PLEKHB2: variants seen among roughly 807,000 people sequenced by gnomAD.
PLEKHB2 encodes pleckstrin homology domain containing B2.
Under a neutral mutation model 36.5 loss-of-function variants are expected in PLEKHB2, and 31 were observed. The observed-to-expected ratio is 0.85, with a 90% confidence interval of 0.64 to 1.15. PLEKHB2 has a LOEUF of 1.15. Ranked by LOEUF, PLEKHB2 falls within the 50% of genes most tolerant of loss-of-function variation. The pLI, the probability that PLEKHB2 is intolerant of heterozygous loss-of-function variation, is 0.00. For synonymous variants in PLEKHB2, 119 were observed against 112.0 expected (o/e 1.06, Z -0.39); for missense variants, 262 against 295.3 (o/e 0.89, Z 0.83).
chr2:131,121,495 A>G (rs113253709), intron 2 of PLEKHB2, among the ~76,000 whole-genome samples: 3,396 of 152,062 alleles, frequency 0.022, 131 homozygotes, highest in African/African-American at 0.077. Flanking sequence ...TGATCTGCCC[A>G]CCTGGGTTCC....
chr2:131,126,645 T>G (rs1559077136), intron 3 of PLEKHB2, 39 bp from the exon 4 acceptor site: 1 of 1,159,824 alleles, frequency 8.6e-7, no homozygotes, highest in African/African-American at 1.5e-5. Flanking sequence ...TAAGAAGAAA[T>G]CCTGAAAAAA....
At position 131,139,826 on chromosome 2, in the gene PLEKHB2, T is replaced by C. The variant is rs116356699; in HGVS notation, c.424-341T>C. ...ATCTCATTATCACCTGGTCCAACCT[T>C]ATCATTTTACAGATGGGCAAAGGAA... On this transcript the variant is annotated intron_variant, in intron 6 of 7. Coordinates refer to ENST00000693505, the MANE Select transcript of PLEKHB2 (RefSeq NM_001100623.2). 5.0e-3 allele frequency among the ~76,000 whole-genome samples: 763 copies of C among 152,316 alleles called. 5 individuals carry two copies. The highest frequency in any genetic ancestry group is 0.017 in the African/African-American group (722 of 41,562).
chr2:131,146,543 C>A, intron 7 of PLEKHB2, 94 bp from the exon 8 acceptor site: 2 of 1,322,688 alleles, frequency 1.5e-6, no homozygotes, highest in Non-Finnish European at 2.1e-6. Flanking sequence ...CAGGAGACAG[C>A]AGATCCCTTT....
Position 131,138,011 on chromosome 2 carries a change from G to A in PLEKHB2, c.424-2156G>A, listed in dbSNP as rs1424129420. 4.1e-5 allele frequency among the ~76,000 whole-genome samples: 6 copies of A among 146,316 alleles called. No individual in the cohort carries two copies. The East Asian group carries it at 1.2e-3, about 29-fold the overall frequency. ...TGTTAGTCTCATGTGTCCCAGAGATGCTCATTTTTTTTTTTTTTTTTTTTT... is the reference window on the plus strand; with the variant it reads ...TGTTAGTCTCATGTGTCCCAGAGATACTCATTTTTTTTTTTTTTTTTTTTT... On this transcript the variant is annotated intron_variant, in intron 6 of 7. Coordinates refer to ENST00000693505, the MANE Select transcript of PLEKHB2 (RefSeq NM_001100623.2).
intron 5 of PLEKHB2, among the ~76,000 whole-genome samples, chr2:131,132,331 C>T (rs935556565): frequency 2.6e-5 from 4 of 151,974 alleles, no homozygotes; most frequent in African/African-American, 9.7e-5. Context: ...TTTTTGGAGA[C>T]AGTCTCGCCT....
chr2:131,107,627 C>T (rs764950880), intron 1 of PLEKHB2: 4 of 152,154 alleles, frequency 2.6e-5, no homozygotes, highest in Non-Finnish European at 4.4e-5. Flanking sequence ...GCTTTTGGAA[C>T]AAAATAGTAA....
chr2:131,127,693 G>T (rs1697231687), intron 4 of PLEKHB2, among the ~76,000 whole-genome samples: 1 of 152,188 alleles, frequency 6.6e-6, no homozygotes, highest in African/African-American at 2.4e-5. Flanking sequence ...AACAGTTAAA[G>T]AAAGAAATAG....
At chr2:131,130,075 T>C (rs1697528076) in intron 4 of PLEKHB2, among the ~76,000 whole-genome samples, 2 of 151,822 alleles carry the variant, frequency 1.3e-5, no homozygotes, top group Admixed American at 1.3e-4. Flanking sequence ...ATAGAGCCCC[T>C]CTCTCTCATC....
At chr2:131,135,566 G>T (rs1231165626) in intron 6 of PLEKHB2, among the ~76,000 whole-genome samples, 3 of 152,034 alleles carry the variant, frequency 2.0e-5, no homozygotes, top group Non-Finnish European at 4.4e-5. Flanking sequence ...AGTGAGAGAA[G>T]ACATCCTTGC....
chr2:131,136,104 C>T (rs1158638342), intron 6 of PLEKHB2, among the ~76,000 whole-genome samples: 2 of 151,622 alleles, frequency 1.3e-5, no homozygotes, highest in African/African-American at 4.9e-5. Flanking sequence ...TTTCTAGTTT[C>T]CAGGAGTGTT....
intron 1 of PLEKHB2, among the ~76,000 whole-genome samples, chr2:131,118,029 T>G (rs1696062592): frequency 6.6e-6 from 1 of 152,212 alleles, no homozygotes; most frequent in East Asian, 1.9e-4. Flanking sequence ...TCTTAAGTGA[T>G]AAACCCATCA....
In PLEKHB2 at chr2:131,148,621, C is replaced by T. The variant is rs1559124030; in HGVS notation, c.*1848C>T. 2 of 152,154 alleles carry T rather than the reference C, an allele frequency of 1.3e-5. No individual in the cohort carries two copies. Among genetic ancestry groups the T allele is most frequent in the African/African-American group, 4.8e-5 (2 of 41,430 alleles). 9.4% of individuals were successfully genotyped at this position (152,154 alleles called of 1,614,324 possible). ...ACTTAGGCCAACCTACATAGGACTC[C>T]ATCTTTAGCGAGACACCAGAGACAC... On this transcript the variant is annotated 3_prime_UTR_variant, in exon 8 of 8. Coordinates refer to ENST00000693505, the MANE Select transcript of PLEKHB2 (RefSeq NM_001100623.2).
intron 1 of PLEKHB2, among the ~76,000 whole-genome samples, chr2:131,110,534 T>C (rs890058): frequency 0.3 from 45,334 of 152,020 alleles, 11,648 homozygotes; most frequent in African/African-American, 0.7. Context: ...CACCACTATG[T>C]GCAGCTAACT....
chr2:131,127,405 A>G (rs1697205921), intron 4 of PLEKHB2, among the ~76,000 whole-genome samples: 1 of 152,184 alleles, frequency 6.6e-6, no homozygotes, highest in Non-Finnish European at 1.5e-5. Context: ...TTTTCTTATA[A>G]AGGACACCAA....
chr2:131,127,947 C>T (rs188040366), intron 4 of PLEKHB2, among the ~76,000 whole-genome samples: 1 of 152,196 alleles, frequency 6.6e-6, no homozygotes, highest in Non-Finnish European at 1.5e-5. Flanking sequence ...GGCACTGAAG[C>T]TCACAGGAGT....
chr2:131,134,089 C>T (rs987831285), intron 6 of PLEKHB2, among the ~76,000 whole-genome samples: 1 of 151,820 alleles, frequency 6.6e-6, no homozygotes, highest in Non-Finnish European at 1.5e-5. Context: ...TTAGTAGAGA[C>T]GGGGTTTCAC....
At chr2:131,119,271 T>C (rs1696218664) in intron 1 of PLEKHB2, among the ~76,000 whole-genome samples, 1 of 151,280 alleles carries the variant, frequency 6.6e-6, no homozygotes, top group African/African-American at 2.4e-5. Flanking sequence ...AAAAAAAGCA[T>C]GCAAGTTGTT....
rs1697861905 is a variant in PLEKHB2 at position 131,132,951 on chromosome 2, C to T, written c.383C>T (p.Ser128Leu). 2 of 1,613,988 alleles carry T rather than the reference C, an allele frequency of 1.2e-6. No individual in the cohort carries two copies. Among genetic ancestry groups the T allele is most frequent in the Non-Finnish European group, 8.5e-7 (1 of 1,179,860 alleles). The part of the protein sequence containing the change: ...VMTDETSVVS[S>L]PPPYTAYAAP... Reference sequence around the variant, plus strand: ...ACCGATGAGACATCCGTGGTTTCCTCACCTCCACCATACACGGCCTATGCT... The same window carrying T: ...ACCGATGAGACATCCGTGGTTTCCTTACCTCCACCATACACGGCCTATGCT... Residue 128 changes from serine (S) to leucine (L), a missense_variant, in exon 6 of 8, where the codon TCA becomes TTA. Physicochemically the swap from Ser to Leu is moderately radical, Grantham distance 145. Transcript: ENST00000693505.
chr2:131,139,689 C>T (rs1184323357), intron 6 of PLEKHB2, among the ~76,000 whole-genome samples: 1 of 152,170 alleles, frequency 6.6e-6, no homozygotes, highest in African/African-American at 2.4e-5. Flanking sequence ...TGCCCAGGTG[C>T]CACACCTCAG....
Sources: allele counts gnomAD v4.1 joint callset (sites outside exome capture counted in the v4.1 genomes callset), GRCh38; gene constraint gnomAD v4.1.1; transcripts MANE v1.5; gene names NCBI Gene and HGNC (gene_info 2026-07-23, HGNC 2026-07-21).